KIF26B: variants seen among roughly 807,000 people sequenced by gnomAD.
KIF26B encodes the protein kinesin-like protein KIF26B.
Under a neutral mutation model 151.2 loss-of-function variants are expected in KIF26B, and 63 were observed. The observed-to-expected ratio is 0.42, with a 90% CI of 0.34 to 0.51. The LOEUF (loss-of-function observed/expected upper bound fraction) is 0.51. KIF26B is among the 20% of genes least tolerant of loss of function. The pLI is 0.07. For synonymous variants in KIF26B, 1,357 were observed against 1,262.1 expected (o/e 1.08, Z -1.59); for missense variants, 2,813 against 2,913.6 (o/e 0.97, Z 0.79).
At position 245,707,381 on chromosome 1, in the gene KIF26B, A is replaced by G. The variant is rs1369946520; in HGVS notation, c.*4775A>G. 6.6e-6 allele frequency: 1 copy of G among 152,210 alleles called. No homozygotes were observed. The highest frequency in any genetic ancestry group is 6.5e-5 in the Admixed American group (1 of 15,284). 9.4% of individuals were successfully genotyped at this position (152,210 alleles called of 1,614,324 possible). A position where few individuals can be genotyped will look rare whatever the true frequency, so the allele number is the denominator to read the frequency against. On this transcript the variant is annotated 3_prime_UTR_variant, in exon 15 of 15. Transcript: ENST00000407071. ...GTACCTAGAAATTACCTTCAACACTAAAAAAGGTTCCTTCTTTCATTCCCT... is the reference window on the plus strand; with the variant it reads ...GTACCTAGAAATTACCTTCAACACTGAAAAAGGTTCCTTCTTTCATTCCCT...
At chr1:245,690,605 G>A (rs1396053887) in intron 12 of KIF26B, among the ~76,000 whole-genome samples, 1 of 152,206 alleles carries the variant, frequency 6.6e-6, no homozygotes, top group African/African-American at 2.4e-5. Context: ...TAGTTATGCA[G>A]ATGTAGTTTT....
At chr1:245,220,389 G>T (rs1271507931) in intron 2 of KIF26B, among the ~76,000 whole-genome samples, 1 of 147,540 alleles carries the variant, frequency 6.8e-6, no homozygotes, top group Non-Finnish European at 1.5e-5. Context: ...GACTTGGAGA[G>T]GTTCAGTGAC....
chr1:245,444,736 A>C (rs945263392), intron 4 of KIF26B, among the ~76,000 whole-genome samples: 1 of 152,172 alleles, frequency 6.6e-6, no homozygotes, highest in Non-Finnish European at 1.5e-5. Context: ...TTTCCTACAT[A>C]AACTTCCACA....
chr1:245,303,419 C>T (rs956815393), intron 2 of KIF26B, among the ~76,000 whole-genome samples: 12 of 151,686 alleles, frequency 7.9e-5, no homozygotes, highest in Admixed American at 7.2e-4. Flanking sequence ...AGGATGGTCT[C>T]GATCTCCTGA....
At position 245,366,907 on chromosome 1, in the gene KIF26B, G is replaced by A. The variant is rs755163971; in HGVS notation, c.539G>A (p.Arg180Gln). 7 of 1,613,892 alleles carry A rather than the reference G, an allele frequency of 4.3e-6. No homozygotes were observed. The highest frequency in any genetic ancestry group is 2.2e-5 in the South Asian group (2 of 91,088). ...ACCATCCGGAAGGCATGGAACGACC[G>A]GGACAACCGCTGTGACATTTGCGCC... ...PNTIRKAWND[R>Q]DNRCDICATH... The change falls in exon 3 of 15, where the codon CGG (arginine) becomes CAG (glutamine). Residue 180 changes from arginine (R) to glutamine (Q), a missense_variant. Coordinates refer to ENST00000407071, the MANE Select transcript of KIF26B (RefSeq NM_018012.4).
chr1:245,325,456 G>T (rs1044167282), intron 2 of KIF26B, among the ~76,000 whole-genome samples: 1 of 152,240 alleles, frequency 6.6e-6, no homozygotes, highest in Non-Finnish European at 1.5e-5. Flanking sequence ...GCTCACGCCA[G>T]TAATCCCAGC....
At chr1:245,543,476 GTGTCGAGGAGCGGGGCATCGGTCT>G (rs1661669275) in intron 5 of KIF26B, among the ~76,000 whole-genome samples, 2 of 49,516 alleles carry the variant, frequency 4.0e-5, no homozygotes, top group African/African-American at 6.2e-5. Context: ...CCATGAGACT[GTGTCGAGGAGCGGGGCATCGGTCT>G]GGGGTCACAG....
rs570065166 is a variant in KIF26B, at chr1:245,550,369, C to G, written c.1350+9419C>G. On this transcript the variant is annotated intron_variant, in intron 5 of 14. Transcript: ENST00000407071. ...TTCAGTTTCCGCTGAGTTCTTTTCT[C>G]CTGGAGTGTGAGATCACAATGGCAT... Among the ~76,000 whole-genome samples, 5 of 152,330 alleles carry G rather than the reference C, an allele frequency of 3.3e-5. No homozygotes were observed. The South Asian group carries it at 1.0e-3, about 32-fold the overall frequency.
At position 245,156,276 on chromosome 1, in the gene KIF26B, C is replaced by A; in HGVS notation, c.64-6C>A. 1 of 1,545,740 alleles carries A rather than the reference C, an allele frequency of 6.5e-7. No homozygotes were observed. The highest frequency in any genetic ancestry group is 1.2e-5 in the South Asian group (1 of 83,920). The stretch of plus-strand genomic sequence containing the variant: ...AGCCCCTGACACCGGCGTGTCTTCC[C>A]CGCAGGTGAATGAAGTCTGCTCGCC... On this transcript the variant is annotated splice_region_variant and splice_polypyrimidine_tract_variant and intron_variant, in intron 1 of 14. Coordinates refer to ENST00000407071, the MANE Select transcript of KIF26B (RefSeq NM_018012.4).
Position 245,702,708 on chromosome 1 carries a change from A to C in KIF26B, c.*102A>C. ...GCTGGGGCATCAAAGACAATGAATG[A>C]GGATGAAGGTTGGTGGCAAGTCTGG... On this transcript the variant is annotated 3_prime_UTR_variant, in exon 15 of 15. Transcript: ENST00000407071. This position sits in a 1 kb window ranked among gnomAD's most constrained non-coding sequence, Gnocchi z 4.1. The C allele has an allele frequency of 2.2e-6, 3 of 1,334,658 alleles. No individual in the cohort carries two copies. The South Asian group carries it at 4.8e-5, about 21-fold the overall frequency. 82.7% of individuals were successfully genotyped at this position (1,334,658 alleles called of 1,614,324 possible). A position where few individuals can be genotyped will look rare whatever the true frequency, so the allele number is the denominator to read the frequency against.
chr1:245,327,190 T>C (rs1672008194), intron 2 of KIF26B, among the ~76,000 whole-genome samples: 1 of 152,220 alleles, frequency 6.6e-6, no homozygotes, highest in Non-Finnish European at 1.5e-5. Context: ...TGAGGAGCCC[T>C]GAATCTCGAG....
intron 9 of KIF26B, among the ~76,000 whole-genome samples, chr1:245,621,992 T>G (rs10802227): frequency 0.21 from 32,242 of 152,232 alleles, 3,737 homozygotes; most frequent in East Asian, 0.38. Context: ...ATCCATTTTA[T>G]TCCATTACAT....
In KIF26B at chr1:245,704,485, C is replaced by T. The variant is rs539337472; in HGVS notation, c.*1879C>T. The stretch of plus-strand genomic sequence containing the variant: ...CTTTGGAAGCCAGCTCCCTGGGTCA[C>T]GAGTCTGGCTTTGCACTTTCCATAA... On this transcript the variant is annotated 3_prime_UTR_variant, in exon 15 of 15. Transcript: ENST00000407071. The T allele has an allele frequency of 4.6e-5, 7 of 152,352 alleles. No homozygotes were observed. The highest frequency in any genetic ancestry group is 1.7e-4 in the African/African-American group (7 of 41,576). The allele number at this position is 152,352 out of a possible 1,614,324, so 9.4% of individuals were successfully genotyped here.
At position 245,177,304 on chromosome 1, in the gene KIF26B, G is replaced by A. The variant is rs147994369; in HGVS notation, c.465+20621G>A. ...CCTGCCTTTATTGATTCCTACTTCC[G>A]CCTAGGATAACACTATCTCTTAAAA... On this transcript the variant is annotated intron_variant, in intron 2 of 14. Transcript: ENST00000407071. 4.0e-3 allele frequency among the ~76,000 whole-genome samples: 615 copies of A among 152,138 alleles called. 7 individuals are homozygous for A. The highest frequency in any genetic ancestry group is 0.014 in the African/African-American group (563 of 41,484).
chr1:245,254,868 GA>G (rs1410046127), intron 2 of KIF26B, among the ~76,000 whole-genome samples: 2 of 152,116 alleles, frequency 1.3e-5, no homozygotes, highest in Non-Finnish European at 2.9e-5. Flanking sequence ...CATGGCTTAT[GA>G]CATAGCAATT....
intron 3 of KIF26B, among the ~76,000 whole-genome samples, chr1:245,404,700 A>G (rs1178361357): frequency 2.0e-5 from 3 of 152,308 alleles, no homozygotes; most frequent in South Asian, 2.1e-4. Context: ...ACAACAGGGG[A>G]AAAAAGCAGA....
At chr1:245,325,671 G>T (rs940390421) in intron 2 of KIF26B, among the ~76,000 whole-genome samples, 1 of 151,412 alleles carries the variant, frequency 6.6e-6, no homozygotes, top group Non-Finnish European at 1.5e-5. Context: ...AGATCGCATC[G>T]TTGCACTCCA....
At chr1:245,161,593 G>A (rs1668530355) in intron 2 of KIF26B, among the ~76,000 whole-genome samples, 1 of 152,078 alleles carries the variant, frequency 6.6e-6, no homozygotes. Context: ...TGTAATAAAT[G>A]GCTAACAACG....
chr1:245,619,746 C>G (rs941659020), intron 9 of KIF26B, among the ~76,000 whole-genome samples: 7 of 151,386 alleles, frequency 4.6e-5, no homozygotes, highest in Non-Finnish European at 7.4e-5. Context: ...AACCTCGTCT[C>G]TACTAAAAAT....
Sources: gnomAD v4.1 joint callset for allele counts (sites outside exome capture counted in the v4.1 genomes callset) on GRCh38, gnomAD v4.1.1 for gene constraint, Gnocchi (gnomAD v3.1) non-coding constraint, MANE v1.5 for transcripts, NCBI Gene and HGNC (gene_info 2026-07-23, HGNC 2026-07-21) for gene names.